MAN1A1: variants seen among roughly 807,000 people sequenced by gnomAD.
MAN1A1 encodes the protein mannosidase alpha class 1A member 1.
In MAN1A1, 29 loss-of-function variants were observed where a neutral mutation model predicts 70.8. The ratio of observed to expected loss-of-function variants is 0.41; its 90% confidence interval spans 0.31 to 0.56. The LOEUF is 0.56. MAN1A1 is among the 20% of genes least tolerant of loss of function. The pLI, the probability that MAN1A1 is intolerant of heterozygous loss-of-function variation, is 0.29. For synonymous variants in MAN1A1, 349 were observed against 330.1 expected (o/e 1.06, Z -0.62); for missense variants, 747 against 841.3 (o/e 0.89, Z 1.39).
intron 5 of MAN1A1, among the ~76,000 whole-genome samples, chr6:119,251,916 C>T (rs11751945): frequency 0.32 from 49,007 of 152,060 alleles, 8,365 homozygotes; most frequent in Non-Finnish European, 0.35. Flanking sequence ...TTCCTGAGCC[C>T]TCTGTATGCC....
chr6:119,266,710 G>A (rs1775764357), intron 5 of MAN1A1, among the ~76,000 whole-genome samples: 1 of 152,056 alleles, frequency 6.6e-6, no homozygotes, highest in Non-Finnish European at 1.5e-5. Flanking sequence ...GACACTAAAA[G>A]CATGATCCAT....
chr6:119,218,760 G>A (rs545441748), intron 6 of MAN1A1, among the ~76,000 whole-genome samples: 4 of 152,264 alleles, frequency 2.6e-5, no homozygotes, highest in Non-Finnish European at 2.9e-5. Flanking sequence ...AATGCACCCC[G>A]CGCTGGGATG....
intron 6 of MAN1A1, among the ~76,000 whole-genome samples, chr6:119,210,436 A>T (rs904737108): frequency 6.6e-6 from 1 of 152,162 alleles, no homozygotes; most frequent in African/African-American, 2.4e-5. Context: ...TTAAAAAAAA[A>T]TCAGTCCTAC....
intron 3 of MAN1A1, among the ~76,000 whole-genome samples, chr6:119,305,623 T>C (rs1231945302): frequency 6.6e-6 from 1 of 152,182 alleles, no homozygotes; most frequent in Admixed American, 6.6e-5. Context: ...TTCCCAGCTC[T>C]TTCTACCTGT....
At chr6:119,223,998 T>C (rs558931239) in intron 6 of MAN1A1, among the ~76,000 whole-genome samples, 1 of 152,162 alleles carries the variant, frequency 6.6e-6, no homozygotes, top group East Asian at 1.9e-4. Flanking sequence ...AATCTGATTT[T>C]AAAAAATTGC....
chr6:119,198,442 G>A (rs1773631700), intron 8 of MAN1A1, among the ~76,000 whole-genome samples: 1 of 152,046 alleles, frequency 6.6e-6, no homozygotes, highest in African/African-American at 2.4e-5. Flanking sequence ...GTCCTCTGGT[G>A]GCCCTCAAAC....
At chr6:119,204,924 C>G in intron 6 of MAN1A1, 42 bp from the exon 7 acceptor site, 1 of 1,600,124 alleles carries the variant, frequency 6.2e-7, no homozygotes, top group South Asian at 1.1e-5. Context: ...GTCAGATTAA[C>G]TCCGTTTTTC....
rs146157763 is a variant in MAN1A1, at chr6:119,348,528, T to C, written c.538A>G (p.Ile180Val). Residue 180 changes from isoleucine to valine, a missense_variant, in exon 2 of 13, where the codon ATC (isoleucine) becomes GTC (valine). This residue lies in a region of MAN1A1 where 328 missense variants were observed against 293.1 expected (regional missense o/e 1.12). Coordinates refer to ENST00000368468, the MANE Select transcript of MAN1A1 (RefSeq NM_005907.4). Reference protein sequence around the residue: ...GLPPVDFVPPIGVESREPADA... With the variant: ...GLPPVDFVPPVGVESREPADA... ...GCGGGCTCCCGGCTCTCCACCCCGATTGGGGGCACGAAGTCCACCGGGGGC... is the reference window on the plus strand; with the variant it reads ...GCGGGCTCCCGGCTCTCCACCCCGACTGGGGGCACGAAGTCCACCGGGGGC... The C allele has an allele frequency of 4.3e-6, 7 of 1,612,688 alleles. No individual in the cohort carries two copies. The highest frequency in any genetic ancestry group is 2.2e-5 in the South Asian group (2 of 90,860).
intron 2 of MAN1A1, among the ~76,000 whole-genome samples, chr6:119,345,009 A>G (rs1773688708): frequency 6.6e-6 from 1 of 152,156 alleles, no homozygotes; most frequent in South Asian, 2.1e-4. Flanking sequence ...TAGGTTGGTG[A>G]GGATTCCAGC....
chr6:119,340,360 C>T (rs1773565885), intron 2 of MAN1A1, among the ~76,000 whole-genome samples: 1 of 152,142 alleles, frequency 6.6e-6, no homozygotes, highest in Non-Finnish European at 1.5e-5. Flanking sequence ...GCTGGACATG[C>T]CACCCCCAGT....
intron 5 of MAN1A1, among the ~76,000 whole-genome samples, chr6:119,287,491 AT>A (rs1217584945): frequency 6.6e-6 from 1 of 151,926 alleles, no homozygotes; most frequent in Non-Finnish European, 1.5e-5. Flanking sequence ...CTGTAGTAGT[AT>A]TTCCAAAATT....
At chr6:119,198,909 T>C (rs1001191160) in intron 8 of MAN1A1, among the ~76,000 whole-genome samples, 1 of 152,250 alleles carries the variant, frequency 6.6e-6, no homozygotes. Flanking sequence ...CAACAAGTGG[T>C]TTCTTTTTTA....
chr6:119,308,727 A>G (rs548734215), intron 2 of MAN1A1, among the ~76,000 whole-genome samples: 2 of 152,256 alleles, frequency 1.3e-5, no homozygotes, highest in Non-Finnish European at 2.9e-5. Context: ...CAGAACACCT[A>G]GAGATTATAT....
At chr6:119,274,018 T>A (rs1415659263) in intron 5 of MAN1A1, among the ~76,000 whole-genome samples, 1 of 152,162 alleles carries the variant, frequency 6.6e-6, no homozygotes, top group African/African-American at 2.4e-5. Flanking sequence ...GAGTAATAAT[T>A]AAACTCCATT....
intron 8 of MAN1A1, among the ~76,000 whole-genome samples, chr6:119,196,456 G>A (rs1473998503): frequency 6.6e-6 from 1 of 152,126 alleles, no homozygotes; most frequent in Non-Finnish European, 1.5e-5. Flanking sequence ...AAACATCTTA[G>A]TGGATGTCGG....
At chr6:119,241,417 T>C (rs181359084) in intron 6 of MAN1A1, among the ~76,000 whole-genome samples, 108 of 152,266 alleles carry the variant, frequency 7.1e-4, no homozygotes, top group Admixed American at 2.4e-3. Flanking sequence ...ATTACAGTGG[T>C]TCTCAAAGTG....
intron 2 of MAN1A1, among the ~76,000 whole-genome samples, chr6:119,339,539 T>C (rs1773546992): frequency 6.6e-6 from 1 of 151,844 alleles, no homozygotes; most frequent in Non-Finnish European, 1.5e-5. Flanking sequence ...AACTTACATA[T>C]TGGGGTTAGG....
intron 2 of MAN1A1, among the ~76,000 whole-genome samples, chr6:119,331,783 A>G (rs375612886): frequency 1.3e-5 from 2 of 151,768 alleles, no homozygotes; most frequent in South Asian, 4.2e-4. Flanking sequence ...ACTTCCCTTT[A>G]CTTCCTTCTC....
At chr6:119,310,172 A>G (rs1772660806) in intron 2 of MAN1A1, among the ~76,000 whole-genome samples, 3 of 152,272 alleles carry the variant, frequency 2.0e-5, no homozygotes, top group Admixed American at 2.0e-4. Flanking sequence ...CGCTGAAGAA[A>G]GAAATACGTT....
Sources: allele counts gnomAD v4.1 joint callset (sites outside exome capture counted in the v4.1 genomes callset), GRCh38; gene constraint gnomAD v4.1.1; regional missense constraint gnomAD v4.1.1; transcripts MANE v1.5; gene names NCBI Gene and HGNC (gene_info 2026-07-23, HGNC 2026-07-21).